TMEM117: variants seen among roughly 807,000 people sequenced by gnomAD.
The protein encoded by TMEM117 is transmembrane protein 117.
Under a neutral mutation model 52.4 loss-of-function variants are expected in TMEM117, and 27 were observed. The ratio of observed to expected loss-of-function variants is 0.51; its 90% CI spans 0.38 to 0.71. The LOEUF (loss-of-function observed/expected upper bound fraction) is 0.71. Ranked by LOEUF, TMEM117 falls within the 30% of genes least tolerant of loss-of-function variation. The probability of loss-of-function intolerance (pLI) is 0.00; values close to 1 mark genes in which losing one functional copy is unlikely to be tolerated. For missense variants in TMEM117, 556 were observed against 630.5 expected, an observed-to-expected ratio of 0.88 and a Z score of 1.26; for synonymous variants, 215 against 206.3, an observed-to-expected ratio of 1.04 and a Z score of -0.36.
chr12:44,159,858 A>C, intron 4 of TMEM117, among the ~76,000 whole-genome samples: 1 of 152,180 alleles, frequency 6.6e-6, no homozygotes, highest in South Asian at 2.1e-4. Context: ...TTTAATAAAG[A>C]ATCTAAGCTA....
At chr12:44,169,696 G>GAAA (rs1169817012) in intron 4 of TMEM117, among the ~76,000 whole-genome samples, 2 of 152,080 alleles carry the variant, frequency 1.3e-5, no homozygotes, top group East Asian at 3.9e-4. Context: ...TTCTAACTTT[G>GAAA]AAATTCAATT....
chr12:43,816,770 A>G, the TMEM117 span, among the ~76,000 whole-genome samples: 1 of 152,268 alleles, frequency 6.6e-6, no homozygotes, highest in Non-Finnish European at 1.5e-5. Context: ...CTCTAAAATG[A>G]AACATCAATA....
At chr12:43,911,252 T>C (rs1257442127) in intron 2 of TMEM117, among the ~76,000 whole-genome samples, 1 of 56,968 alleles carries the variant, frequency 1.8e-5, no homozygotes, top group African/African-American at 3.5e-5. Flanking sequence ...GGGAAAGGAT[T>C]CCCTATTTAA....
chr12:44,382,292 G>A (rs1255573233), intron 7 of TMEM117, among the ~76,000 whole-genome samples: 1 of 152,032 alleles, frequency 6.6e-6, no homozygotes. Context: ...CAGAGCCAGA[G>A]GAAGGACTCG....
At chr12:44,035,385 C>G (rs1425470627) in intron 3 of TMEM117, among the ~76,000 whole-genome samples, 1 of 152,244 alleles carries the variant, frequency 6.6e-6, no homozygotes, top group East Asian at 1.9e-4. Context: ...TTGAGTGTTA[C>G]TGTATGCGCA....
chr12:43,885,003 T>C (rs1943965770), intron 2 of TMEM117, among the ~76,000 whole-genome samples: 1 of 152,216 alleles, frequency 6.6e-6, no homozygotes, highest in Non-Finnish European at 1.5e-5. Context: ...ACTTTCTGCT[T>C]TCTCTAATAA....
intron 4 of TMEM117, among the ~76,000 whole-genome samples, chr12:44,160,888 T>C (rs565776239): frequency 3.3e-5 from 5 of 152,348 alleles, no homozygotes; most frequent in South Asian, 2.1e-4. Flanking sequence ...ATTACAATAG[T>C]AATATACAAA....
At chr12:44,323,424 AT>A (rs1029621588) in intron 6 of TMEM117, among the ~76,000 whole-genome samples, 1 of 151,236 alleles carries the variant, frequency 6.6e-6, no homozygotes, top group African/African-American at 2.5e-5. Context: ...TTTTTTTATT[AT>A]TATTAGTTAG....
Position 43,864,095 on chromosome 12 carries a change from G to A in TMEM117, c.277+19167G>A, listed in dbSNP as rs191196752. Among the ~76,000 whole-genome samples, 842 of 152,274 alleles carry A rather than the reference G, an allele frequency of 5.5e-3. 6 individuals are homozygous for A. The highest frequency in any genetic ancestry group is 0.022 in the South Asian group (107 of 4,826). ...AGCAGTGCTGGCCCACCAGCGCTGCGCTGGATTTCTCACGGGGCTTTAGCT... is the reference window on the plus strand; with the variant it reads ...AGCAGTGCTGGCCCACCAGCGCTGCACTGGATTTCTCACGGGGCTTTAGCT... On this transcript the variant is annotated intron_variant, in intron 2 of 7. Coordinates refer to ENST00000266534, the MANE Select transcript of TMEM117 (RefSeq NM_032256.3).
chr12:44,027,571 A>G (rs911332061), intron 3 of TMEM117, among the ~76,000 whole-genome samples: 6 of 152,214 alleles, frequency 3.9e-5, no homozygotes, highest in African/African-American at 1.2e-4. Context: ...ATGTTGCTAC[A>G]TGATTGGATT....
At chr12:44,218,519 G>A (rs994658385) in intron 5 of TMEM117, among the ~76,000 whole-genome samples, 2 of 152,164 alleles carry the variant, frequency 1.3e-5, no homozygotes, top group Admixed American at 1.3e-4. Context: ...AAAGCCCACA[G>A]CTAACATCAT....
chr12:44,147,003 C>A (rs1948652338), intron 4 of TMEM117, among the ~76,000 whole-genome samples: 1 of 152,150 alleles, frequency 6.6e-6, no homozygotes, highest in African/African-American at 2.4e-5. Flanking sequence ...TCAAGCTCTG[C>A]TGGGTCCAGT....
rs546725173 is a variant in TMEM117, at chr12:44,237,528, C to G, written c.608+26141C>G. Among the ~76,000 whole-genome samples, 232 of 152,032 alleles carry G rather than the reference C, an allele frequency of 1.5e-3. 2 individuals carry two copies. The highest frequency in any genetic ancestry group is 5.3e-3 in the African/African-American group (219 of 41,496). ...TGATCTCAGTTCAAGACCAGCTTGG[C>G]CAACATGGTGAAACACCATCTCTAA... On this transcript the variant is annotated intron_variant, in intron 5 of 7. Coordinates refer to ENST00000266534, the MANE Select transcript of TMEM117 (RefSeq NM_032256.3).
chr12:44,166,872 A>G (rs1948974767), intron 4 of TMEM117, among the ~76,000 whole-genome samples: 1 of 152,228 alleles, frequency 6.6e-6, no homozygotes, highest in Non-Finnish European at 1.5e-5. Flanking sequence ...AAATATGAAA[A>G]TATACCAGTC....
intron 3 of TMEM117, among the ~76,000 whole-genome samples, chr12:43,977,161 C>T (rs1945684500): frequency 6.6e-6 from 1 of 152,112 alleles, no homozygotes; most frequent in Non-Finnish European, 1.5e-5. Context: ...TTGTGATGTA[C>T]AACAGAGAGT....
chr12:43,936,631 T>C (rs192630636), intron 2 of TMEM117, among the ~76,000 whole-genome samples: 17 of 151,916 alleles, frequency 1.1e-4, no homozygotes, highest in Admixed American at 1.0e-3. Flanking sequence ...CTGAGAAAAA[T>C]CAGGAAAATA....
At chr12:44,129,345 G>T (rs563223600) in intron 3 of TMEM117, among the ~76,000 whole-genome samples, 16 of 152,246 alleles carry the variant, frequency 1.1e-4, no homozygotes, top group African/African-American at 3.9e-4. Flanking sequence ...GGCCTGTCAG[G>T]TCTTTCACAA....
chr12:44,383,536 A>T (rs557311586), intron 7 of TMEM117, among the ~76,000 whole-genome samples: 2 of 152,342 alleles, frequency 1.3e-5, no homozygotes, highest in Admixed American at 1.3e-4. Flanking sequence ...TTCTCATTAG[A>T]GGAGATAGTG....
intron 3 of TMEM117, among the ~76,000 whole-genome samples, chr12:44,046,237 C>G (rs1220191941): frequency 6.6e-6 from 1 of 152,126 alleles, no homozygotes; most frequent in Admixed American, 6.5e-5. Context: ...AACACTGCCA[C>G]CAGGAGACAC....
Sources: gnomAD v4.1 joint callset for allele counts (sites outside exome capture counted in the v4.1 genomes callset) on GRCh38, gnomAD v4.1.1 for gene constraint, MANE v1.5 for transcripts, NCBI Gene and HGNC (gene_info 2026-07-23, HGNC 2026-07-21) for gene names.